LYPLAL1: variants seen among roughly 807,000 people sequenced by gnomAD.
The protein encoded by LYPLAL1 is lysophospholipase-like protein 1.
Under a neutral mutation model 19.7 loss-of-function variants are expected in LYPLAL1, and 23 were observed. The ratio of observed to expected loss-of-function variants is 1.17; its 90% CI spans 0.84 to 1.65. LYPLAL1 has a LOEUF of 1.65. Ranked by LOEUF, LYPLAL1 falls within the 40% of genes most tolerant of loss-of-function variation. The pLI, the probability that LYPLAL1 is intolerant of heterozygous loss-of-function variation, is 0.00. For missense variants in LYPLAL1, 355 were observed against 279.4 expected (o/e 1.27, Z -1.93); for synonymous variants, 119 against 96.3 (o/e 1.24, Z -1.38).
chr1:219,270,490 C>G, the LYPLAL1 span, among the ~76,000 whole-genome samples: 1 of 152,164 alleles, frequency 6.6e-6, no homozygotes, highest in Non-Finnish European at 1.5e-5. Context: ...GTGTGCCATG[C>G]ATAGTGCACG....
the LYPLAL1 span, among the ~76,000 whole-genome samples, chr1:219,357,046 TAATTTTCACTTGAATGTCACTTG>T: frequency 2.6e-5 from 4 of 152,336 alleles, no homozygotes; most frequent in Admixed American, 2.6e-4. Context: ...TCCAAAATTT[TAATTTTCACTTGAATGTCACTTG>T]AATTTTCACT....
At chr1:219,213,471 G>C (rs1026500865), downstream of LYPLAL1, among the ~76,000 whole-genome samples, 2 of 150,384 alleles carry the variant, frequency 1.3e-5, no homozygotes, top group Admixed American at 1.3e-4. Context: ...CTGGGATTTT[G>C]ATAGGAATTA....
At chr1:219,442,577 G>A in the LYPLAL1 span, 2 of 152,172 alleles carry the variant, frequency 1.3e-5, no homozygotes, top group African/African-American at 4.8e-5. Context: ...CTCACCCCAG[G>A]ATGAAACAGC....
the LYPLAL1 span, among the ~76,000 whole-genome samples, chr1:219,320,448 T>G: frequency 1.3e-5 from 2 of 152,134 alleles, no homozygotes; most frequent in African/African-American, 4.8e-5. Context: ...TTAATTTAAT[T>G]TTATTATTAT....
the LYPLAL1 span, among the ~76,000 whole-genome samples, chr1:219,382,866 G>GTT: frequency 1.7e-4 from 24 of 144,676 alleles, no homozygotes; most frequent in African/African-American, 5.6e-4. Flanking sequence ...GTTTTGTTTT[G>GTT]TTTTTTTTTT....
the LYPLAL1 span, among the ~76,000 whole-genome samples, chr1:219,293,420 G>T: frequency 6.6e-6 from 1 of 152,016 alleles, no homozygotes; most frequent in African/African-American, 2.4e-5. Flanking sequence ...TGTATCCCTG[G>T]CTTAGAGTTA....
chr1:219,363,850 G>A, the LYPLAL1 span, among the ~76,000 whole-genome samples: 1 of 152,088 alleles, frequency 6.6e-6, no homozygotes, highest in Admixed American at 6.6e-5. Flanking sequence ...GTAATATCTG[G>A]ATATACACAG....
At chr1:219,269,771 A>C in the LYPLAL1 span, among the ~76,000 whole-genome samples, 1 of 152,240 alleles carries the variant, frequency 6.6e-6, no homozygotes. Flanking sequence ...AATATATCAC[A>C]AATCATAATT....
At chr1:219,384,228 T>C in the LYPLAL1 span, among the ~76,000 whole-genome samples, 1 of 152,254 alleles carries the variant, frequency 6.6e-6, no homozygotes, top group African/African-American at 2.4e-5. Context: ...TAGAAAAATC[T>C]TCCTTAGACA....
At chr1:219,358,408 C>G in the LYPLAL1 span, among the ~76,000 whole-genome samples, 2 of 152,148 alleles carry the variant, frequency 1.3e-5, no homozygotes, top group African/African-American at 4.8e-5. Context: ...TGCATGTATA[C>G]TATTTAAGTG....
At chr1:219,434,928 T>G in the LYPLAL1 span, among the ~76,000 whole-genome samples, 1 of 152,196 alleles carries the variant, frequency 6.6e-6, no homozygotes. Flanking sequence ...CCTGGGATAA[T>G]GGTCCAGCTT....
the LYPLAL1 span, among the ~76,000 whole-genome samples, chr1:219,432,480 A>T: frequency 6.6e-6 from 1 of 152,222 alleles, no homozygotes; most frequent in South Asian, 2.1e-4. Flanking sequence ...GGTAACAGTG[A>T]CTCAAAAGGT....
At chr1:219,196,970 A>G (rs1441446449) in intron 3 of LYPLAL1, among the ~76,000 whole-genome samples, 3 of 152,198 alleles carry the variant, frequency 2.0e-5, no homozygotes, top group Admixed American at 1.3e-4. Flanking sequence ...ACCACTGCTC[A>G]AGGAAATAAG....
chr1:219,191,730 GTA>G (rs897554635), intron 2 of LYPLAL1, among the ~76,000 whole-genome samples: 1 of 150,998 alleles, frequency 6.6e-6, no homozygotes. Context: ...TCTAAACAAT[GTA>G]TATATATATA....
the LYPLAL1 span, among the ~76,000 whole-genome samples, chr1:219,355,928 A>G: frequency 1.2e-4 from 18 of 152,200 alleles, no homozygotes; most frequent in Non-Finnish European, 2.2e-4. Flanking sequence ...AAATAAATAT[A>G]TGGAACAATG....
At chr1:219,370,141 C>T in the LYPLAL1 span, among the ~76,000 whole-genome samples, 3 of 152,174 alleles carry the variant, frequency 2.0e-5, no homozygotes. Context: ...GCACATTGTA[C>T]ACAGCAACTC....
the LYPLAL1 span, among the ~76,000 whole-genome samples, chr1:219,320,889 C>T: frequency 1.6e-4 from 25 of 152,180 alleles, no homozygotes; most frequent in East Asian, 1.9e-4. Context: ...TGAATAGTGC[C>T]GCAATAAACA....
the LYPLAL1 span, among the ~76,000 whole-genome samples, chr1:219,284,034 C>T: frequency 6.6e-6 from 1 of 152,158 alleles, no homozygotes; most frequent in African/African-American, 2.4e-5. Flanking sequence ...ATGGTTCCCT[C>T]CATGCTATGT....
chr1:219,345,504 A>G, the LYPLAL1 span, among the ~76,000 whole-genome samples: 1 of 152,174 alleles, frequency 6.6e-6, no homozygotes, highest in Non-Finnish European at 1.5e-5. Flanking sequence ...CAATTAGGAA[A>G]CTGTAAGTTA....
Sources: gnomAD v4.1 joint callset for allele counts (sites outside exome capture counted in the v4.1 genomes callset) on GRCh38, gnomAD v4.1.1 for gene constraint, MANE v1.5 for transcripts, NCBI Gene and HGNC (gene_info 2026-07-23, HGNC 2026-07-21) for gene names.